The following ILKAP variants were observed in gnomAD, a reference collection of about 807,000 sequenced individuals.
ILKAP encodes the protein integrin-linked kinase-associated serine/threonine phosphatase 2C.
A neutral mutation model predicts 49.1 loss-of-function variants in ILKAP; 11 were observed. The ratio of observed to expected loss-of-function variants is 0.22; its 90% CI spans 0.14 to 0.37. The LOEUF (loss-of-function observed/expected upper bound fraction) is 0.37. ILKAP is among the 10% of genes least tolerant of loss of function. ILKAP has a pLI of 1.00. For missense variants in ILKAP, 363 were observed against 510.8 expected (o/e 0.71, Z 2.79); for synonymous variants, 186 against 192.8 (o/e 0.96, Z 0.29).
At chr2:238,179,701 C>CT (rs1693608686) in intron 9 of ILKAP, among the ~76,000 whole-genome samples, 1 of 152,138 alleles carries the variant, frequency 6.6e-6, no homozygotes, top group Non-Finnish European at 1.5e-5. Flanking sequence ...AAGTGAAGGA[C>CT]TACTGAGTAT....
chr2:238,173,102 C>T (rs1693298125), intron 10 of ILKAP, among the ~76,000 whole-genome samples: 1 of 152,212 alleles, frequency 6.6e-6, no homozygotes, highest in South Asian at 2.1e-4. Context: ...CAGCATGGGG[C>T]TGAGGGCCGG....
intron 10 of ILKAP, 135 bp from the exon 11 acceptor site, chr2:238,171,159 T>TA: frequency 5.3e-5 from 32 of 599,498 alleles, no homozygotes; most frequent in Non-Finnish European, 7.1e-5. Context: ...TTTTCTTTTT[T>TA]CTTTTTTTTT....
intron 1 of ILKAP, among the ~76,000 whole-genome samples, chr2:238,203,198 C>G (rs1694649095): frequency 6.6e-6 from 1 of 151,040 alleles, no homozygotes; most frequent in African/African-American, 2.4e-5. Context: ...GGTCGGCCCA[C>G]GCGGTCGCGC....
chr2:238,200,755 C>G (rs1210632509), intron 1 of ILKAP, among the ~76,000 whole-genome samples: 1 of 152,180 alleles, frequency 6.6e-6, no homozygotes, highest in Admixed American at 6.5e-5. Context: ...CCACGGAGGT[C>G]GAGACTGCAG....
chr2:238,189,899 T>C lies in ILKAP; in HGVS notation c.252A>G (p.Glu84=). 2 of 1,614,008 alleles carry C rather than the reference T, an allele frequency of 1.2e-6. No individual in the cohort carries two copies. The highest frequency in any genetic ancestry group is 1.7e-6 in the Non-Finnish European group (2 of 1,179,834). ...GKGAKRKTSE[E]EKNGSEELVE... is the part of the protein sequence containing the mutation. Reference sequence around the variant, plus strand: ...CAAGCTCTTCACTGCCATTCTTCTCTTCCTCGGAGGTTTTTCTCTTTGCTC... The same window carrying C: ...CAAGCTCTTCACTGCCATTCTTCTCCTCCTCGGAGGTTTTTCTCTTTGCTC... The change falls in exon 4 of 12, where the codon GAA becomes GAG. Residue 84 remains glutamate (E), a synonymous_variant. Transcript: ENST00000254654.
chr2:238,195,656 A>G (rs1369028955), intron 1 of ILKAP, among the ~76,000 whole-genome samples: 12 of 152,206 alleles, frequency 7.9e-5, no homozygotes. Context: ...CCAAGTTGAA[A>G]GTATACACGT....
chr2:238,193,227 T>C (rs1694213383), intron 3 of ILKAP, among the ~76,000 whole-genome samples: 1 of 152,152 alleles, frequency 6.6e-6, no homozygotes, highest in Non-Finnish European at 1.5e-5. Flanking sequence ...ATATTAACTT[T>C]CCTTTTTTTT....
At position 238,183,425 on chromosome 2, in the gene ILKAP, A is replaced by G. The variant is rs192683927; in HGVS notation, c.714+228T>C. Among the ~76,000 whole-genome samples, 92 of 152,336 alleles carry G rather than the reference A, an allele frequency of 6.0e-4. No individual in the cohort carries two copies. In the East Asian group the frequency reaches 0.017, roughly 29 times the overall value. ...AAAAAAGACGGGATCTGGGTTTTAAAGCACAAGTCTATCATAGGGCGTAAG... is the reference window on the plus strand; with the variant it reads ...AAAAAAGACGGGATCTGGGTTTTAAGGCACAAGTCTATCATAGGGCGTAAG... On this transcript the variant is annotated intron_variant, in intron 8 of 11. Transcript: ENST00000254654.
intron 1 of ILKAP, among the ~76,000 whole-genome samples, chr2:238,195,471 A>G (rs1052585052): frequency 6.6e-6 from 1 of 152,234 alleles, no homozygotes; most frequent in Non-Finnish European, 1.5e-5. Context: ...CTCAGGAGAA[A>G]GTCACGAAAC....
chr2:238,183,979 A>ACACG (rs752621303), intron 7 of ILKAP, 41 bp downstream of exon 7: 1 of 1,270,882 alleles, frequency 7.9e-7, no homozygotes, highest in South Asian at 1.2e-5. Flanking sequence ...GGAAAACACC[A>ACACG]CACACAGTCC....
intron 3 of ILKAP, among the ~76,000 whole-genome samples, chr2:238,190,877 TAAAAAA>T (rs57511265): frequency 0.3 from 28,255 of 94,882 alleles, 4,230 homozygotes; most frequent in South Asian, 0.43. Context: ...CGTTTCTCTT[TAAAAAA>T]AAAAAAAAAA....
At chr2:238,193,615 T>C (rs1449708158) in intron 3 of ILKAP, among the ~76,000 whole-genome samples, 1 of 152,244 alleles carries the variant, frequency 6.6e-6, no homozygotes, top group Non-Finnish European at 1.5e-5. Context: ...AATTTTTTGG[T>C]ATGGGTCTAC....
chr2:238,171,104 GATAAA>G, intron 10 of ILKAP, 80 bp from the exon 11 acceptor site: 1 of 868,744 alleles, frequency 1.2e-6, no homozygotes, highest in Non-Finnish European at 1.8e-6. Context: ...TGGAGATGGA[GATAAA>G]ATAAATATTT....
At chr2:238,183,820 G>T in intron 7 of ILKAP, 80 bp from the exon 8 acceptor site, 1 of 1,099,214 alleles carries the variant, frequency 9.1e-7, no homozygotes, top group Non-Finnish European at 1.3e-6. Flanking sequence ...TCAATGGGAA[G>T]TATCTTATAT....
At chr2:238,184,162 A>C (rs1266239041) in intron 6 of ILKAP, 49 bp from the exon 7 acceptor site, 2 of 991,108 alleles carry the variant, frequency 2.0e-6, no homozygotes, top group Non-Finnish European at 3.2e-6. Context: ...AGGGAAGATT[A>C]TCCTCCTCCC....
At chr2:238,173,209 A>T (rs969381077) in intron 10 of ILKAP, among the ~76,000 whole-genome samples, 1 of 152,032 alleles carries the variant, frequency 6.6e-6, no homozygotes, top group African/African-American at 2.4e-5. Context: ...ACACTGTCAC[A>T]TTTTAATGCC....
chr2:238,182,357 G>GTTC (rs1448097749), intron 8 of ILKAP, among the ~76,000 whole-genome samples, 171 bp from the exon 9 acceptor site: 3 of 152,220 alleles, frequency 2.0e-5, no homozygotes, highest in African/African-American at 7.2e-5. Flanking sequence ...CAGCAAAGAA[G>GTTC]TGTCAAAGAC....
intron 1 of ILKAP, 21 bp downstream of exon 1, chr2:238,203,477 GC>G (rs1261757437): frequency 8.1e-7 from 1 of 1,237,414 alleles, no homozygotes; most frequent in African/African-American, 1.6e-5. Flanking sequence ...TCCCTGGCCG[GC>G]CCGGCGGCAA....
intron 9 of ILKAP, among the ~76,000 whole-genome samples, chr2:238,181,532 T>C (rs1228970305): frequency 6.6e-6 from 1 of 152,194 alleles, no homozygotes; most frequent in East Asian, 1.9e-4. Context: ...AAGACATTAC[T>C]TAACCCGTCT....
Sources: gnomAD v4.1 joint callset for allele counts (sites outside exome capture counted in the v4.1 genomes callset) on GRCh38, gnomAD v4.1.1 for gene constraint, MANE v1.5 for transcripts, NCBI Gene and HGNC (gene_info 2026-07-23, HGNC 2026-07-21) for gene names.